PRLR: variants seen among roughly 807,000 people sequenced by gnomAD.
The protein encoded by PRLR is prolactin receptor.
In PRLR, 13 loss-of-function variants were observed where a neutral mutation model predicts 40.2. That is an observed-to-expected ratio of 0.32 (90% CI 0.21 to 0.51). The LOEUF is 0.51. PRLR is among the 20% of genes least tolerant of loss of function. PRLR has a pLI of 0.97. For missense variants in PRLR, 656 were observed against 747.3 expected (o/e 0.88, Z 1.42); for synonymous variants, 269 against 278.7 (o/e 0.97, Z 0.35).
intron 5 of PRLR, chr5:35,081,270 C>A: frequency 6.2e-6 from 1 of 162,100 alleles, no homozygotes; most frequent in Non-Finnish European, 1.3e-5. Flanking sequence ...CTGTTAATGG[C>A]CCCTCTGGGA....
chr5:35,213,523 A>G (rs1776217763), intron 1 of PRLR, among the ~76,000 whole-genome samples: 1 of 152,008 alleles, frequency 6.6e-6, no homozygotes, highest in Non-Finnish European at 1.5e-5. Context: ...TTTTCTGGGA[A>G]TTTCATTATT....
At chr5:35,176,438 T>C (rs1775149560) in intron 1 of PRLR, among the ~76,000 whole-genome samples, 1 of 152,158 alleles carries the variant, frequency 6.6e-6, no homozygotes, top group African/African-American at 2.4e-5. Flanking sequence ...TAGAAAGAAG[T>C]AGACATAGGA....
chr5:35,227,236 C>T (rs910724386), intron 1 of PRLR, among the ~76,000 whole-genome samples: 62 of 152,186 alleles, frequency 4.1e-4, no homozygotes, highest in African/African-American at 1.4e-3. Context: ...CTAGATTTGG[C>T]TATTCCTGCC....
intron 1 of PRLR, among the ~76,000 whole-genome samples, chr5:35,173,306 T>A (rs1561347619): frequency 6.6e-6 from 1 of 152,212 alleles, no homozygotes; most frequent in East Asian, 1.9e-4. Context: ...TTAGAAAAGC[T>A]TCACTGTGAT....
At chr5:35,110,925 C>A (rs149082187) in intron 2 of PRLR, among the ~76,000 whole-genome samples, 2 of 152,296 alleles carry the variant, frequency 1.3e-5, no homozygotes, top group African/African-American at 4.8e-5. Flanking sequence ...CATGCCCTGT[C>A]TACAAAACAC....
intron 1 of PRLR, among the ~76,000 whole-genome samples, chr5:35,168,335 A>T (rs1774902288): frequency 6.6e-6 from 1 of 152,076 alleles, no homozygotes; most frequent in African/African-American, 2.4e-5. Context: ...TGATTTCTCA[A>T]CATGATTAAG....
In PRLR at chr5:35,056,081, C is replaced by T. The variant is rs1460118169; in HGVS notation, c.*9008G>A. 1 of 152,082 alleles carries T rather than the reference C, an allele frequency of 6.6e-6. No homozygotes were observed. Among genetic ancestry groups the T allele is most frequent in the Non-Finnish European group, 1.5e-5 (1 of 68,018 alleles). The allele number at this position is 152,082 out of a possible 1,614,324, so 9.4% of individuals were successfully genotyped here. On this transcript the variant is annotated 3_prime_UTR_variant, in exon 10 of 10. Transcript: ENST00000618457. ...TCCTTTTCTTAAGAAAATATTTTAT[C>T]ACATTCGTAAAAGTATCTGTGCTTC...
At chr5:35,099,369 C>T (rs572975159) in intron 2 of PRLR, among the ~76,000 whole-genome samples, 30 of 152,260 alleles carry the variant, frequency 2.0e-4, no homozygotes, top group Middle Eastern at 3.4e-3. Flanking sequence ...TGCTTTACGC[C>T]GTGTTTGTGG....
At chr5:35,084,446 C>G in intron 5 of PRLR, 24 bp downstream of exon 5, 1 of 1,530,938 alleles carries the variant, frequency 6.5e-7, no homozygotes, top group South Asian at 1.3e-5. Context: ...TAAGAAATTC[C>G]TCACCCACTT....
chr5:35,101,134 G>A (rs1771852086), intron 2 of PRLR, among the ~76,000 whole-genome samples: 1 of 152,168 alleles, frequency 6.6e-6, no homozygotes, highest in African/African-American at 2.4e-5. Context: ...CATCATCAAA[G>A]TTCCAGAACA....
chr5:35,141,659 G>A (rs988241238), intron 1 of PRLR, among the ~76,000 whole-genome samples: 1 of 152,126 alleles, frequency 6.6e-6, no homozygotes, highest in African/African-American at 2.4e-5. Flanking sequence ...ACTGAAAAAA[G>A]GCTAATAGTT....
At chr5:35,093,466 C>T (rs1051708033) in intron 2 of PRLR, among the ~76,000 whole-genome samples, 3 of 152,172 alleles carry the variant, frequency 2.0e-5, no homozygotes, top group Non-Finnish European at 4.4e-5. Context: ...CTGGTGATCC[C>T]CCTGAGTACA....
intron 2 of PRLR, among the ~76,000 whole-genome samples, chr5:35,098,182 C>T (rs916573593): frequency 2.0e-5 from 3 of 152,074 alleles, no homozygotes; most frequent in Admixed American, 6.6e-5. Context: ...TGTGAATGGT[C>T]GTGATGTTTT....
intron 1 of PRLR, among the ~76,000 whole-genome samples, chr5:35,130,945 A>G (rs1389328350): frequency 6.6e-6 from 1 of 152,176 alleles, no homozygotes; most frequent in African/African-American, 2.4e-5. Flanking sequence ...CCACCACAAG[A>G]GGCTAGGGTG....
chr5:35,217,578 G>C (rs1363380323), intron 1 of PRLR, among the ~76,000 whole-genome samples: 1 of 152,126 alleles, frequency 6.6e-6, no homozygotes, highest in Non-Finnish European at 1.5e-5. Flanking sequence ...TTGCGTGTGA[G>C]ATAACTTTAA....
chr5:35,217,649 GA>G (rs760962891), intron 1 of PRLR, among the ~76,000 whole-genome samples: 1 of 152,188 alleles, frequency 6.6e-6, no homozygotes, highest in African/African-American at 2.4e-5. Context: ...GAGGACAGGA[GA>G]GGGGGACATT....
At chr5:35,174,087 GTTT>G (rs58461577) in intron 1 of PRLR, among the ~76,000 whole-genome samples, 1 of 137,334 alleles carries the variant, frequency 7.3e-6, no homozygotes. Flanking sequence ...TGGGTGTTCG[GTTT>G]TTTTTTTTTT....
Position 35,049,341 on chromosome 5 carries a change from TGA to T in PRLR, c.1075_1076del (p.Ser359LysfsTer64). The T allele has an allele frequency of 1.4e-6, 1 of 703,206 alleles. No individual in the cohort carries two copies. Among genetic ancestry groups the T allele is most frequent in the Non-Finnish European group, 2.6e-6 (1 of 385,036 alleles). The allele number at this position is 703,206 out of a possible 1,614,324, so 43.6% of individuals were successfully genotyped here. The stretch of plus-strand genomic sequence containing the variant: ...TGAACACCGCAAGTCTTCCTTGACT[TGA>T]GATTTTTCTTGGTCTGTAAGATTTG... On this transcript the variant is annotated frameshift_variant, in exon 9 of 9. Transcript: ENST00000231423. LOFTEE classifies it low-confidence loss of function (END_TRUNC).
intron 2 of PRLR, among the ~76,000 whole-genome samples, chr5:35,106,125 T>C (rs937748648): frequency 5.6e-4 from 86 of 152,320 alleles, no homozygotes; most frequent in Middle Eastern, 3.4e-3. Flanking sequence ...CCAGCCAAAC[T>C]AAGCTTCATA....
Sources: allele counts gnomAD v4.1 joint callset (sites outside exome capture counted in the v4.1 genomes callset), GRCh38; gene constraint gnomAD v4.1.1; transcripts MANE v1.5; gene names NCBI Gene and HGNC (gene_info 2026-07-23, HGNC 2026-07-21).